The following NCAM1 variants were observed in gnomAD, a reference collection of about 807,000 sequenced individuals.
NCAM1 encodes the protein neural cell adhesion molecule 1.
A neutral mutation model predicts 109.8 loss-of-function variants in NCAM1; 14 were observed. The ratio of observed to expected loss-of-function variants is 0.13; its 90% CI spans 0.08 to 0.20. The LOEUF (loss-of-function observed/expected upper bound fraction) is 0.20. Ranked by LOEUF, NCAM1 falls within the 10% of genes least tolerant of loss-of-function variation. NCAM1 has a pLI of 1.00. For missense variants in NCAM1, 774 were observed against 1,109.9 expected (o/e 0.70, Z 4.30); for synonymous variants, 418 against 442.9 (o/e 0.94, Z 0.70).
chr11:112,987,784 G>C (rs186026880), intron 1 of NCAM1, among the ~76,000 whole-genome samples: 2 of 151,972 alleles, frequency 1.3e-5, no homozygotes, highest in African/African-American at 4.8e-5. Context: ...TGTCCTTAAA[G>C]CTTCTGAAGT....
At chr11:113,152,394 T>G (rs1460832917) in intron 1 of NCAM1, among the ~76,000 whole-genome samples, 4 of 152,256 alleles carry the variant, frequency 2.6e-5, no homozygotes, top group African/African-American at 4.8e-5. Flanking sequence ...CACAATCCCC[T>G]TGGCAACTTC....
intron 1 of NCAM1, among the ~76,000 whole-genome samples, chr11:113,149,210 A>G (rs1942132495): frequency 6.6e-6 from 1 of 152,220 alleles, no homozygotes; most frequent in African/African-American, 2.4e-5. Flanking sequence ...GCCTTCCTCC[A>G]AGACAAGGGT....
intron 1 of NCAM1, among the ~76,000 whole-genome samples, chr11:113,094,638 G>T (rs1020299679): frequency 1.3e-5 from 2 of 152,116 alleles, no homozygotes; most frequent in Non-Finnish European, 2.9e-5. Context: ...CTTGTAATTC[G>T]CTGCTGTGGC....
chr11:113,225,446 C>T (rs148414654), intron 9 of NCAM1, among the ~76,000 whole-genome samples: 2,012 of 152,298 alleles, frequency 0.013, 32 homozygotes, highest in African/African-American at 0.039. Context: ...AAGACCAAAT[C>T]TACATCTGAT....
Position 113,255,930 on chromosome 11 carries a change from A to G in NCAM1, c.1882A>G (p.Ile628Val), listed in dbSNP as rs782461625. The change falls in exon 16 of 20, where the codon ATT becomes GTT. Residue 628 changes from isoleucine to valine, a missense_variant. Transcript: ENST00000316851. ...EGQMGEDGNS[I>V]KVNLIKQDDG... ...GCAGATGGGAGAGGATGGAAACTCT[A>G]TTAAAGTGAACCTGATCAAGCAGGA... The G allele has an allele frequency of 9.9e-6, 16 of 1,611,186 alleles. No homozygotes were observed. Among genetic ancestry groups the G allele is most frequent in the Middle Eastern group, 3.3e-4 (2 of 6,082 alleles).
chr11:113,133,068 AG>A (rs1555098693), intron 1 of NCAM1: 10 of 152,178 alleles, frequency 6.6e-5, no homozygotes. Context: ...TGCATTGTTG[AG>A]GGAGGAATTA....
chr11:112,985,423 G>A (rs1322859519), intron 1 of NCAM1, among the ~76,000 whole-genome samples: 1 of 151,580 alleles, frequency 6.6e-6, no homozygotes, highest in Non-Finnish European at 1.5e-5. Context: ...TCTTATTTTT[G>A]TAGAAAATGT....
At chr11:112,986,706 G>A (rs782054331) in intron 1 of NCAM1, among the ~76,000 whole-genome samples, 15 of 151,812 alleles carry the variant, frequency 9.9e-5, no homozygotes, top group South Asian at 2.1e-4. Context: ...CTTCACAGTA[G>A]TCTCTTATGA....
chr11:113,060,372 T>G (rs1462003328), intron 1 of NCAM1, among the ~76,000 whole-genome samples: 1 of 152,218 alleles, frequency 6.6e-6, no homozygotes, highest in Non-Finnish European at 1.5e-5. Flanking sequence ...GTAGCCATCT[T>G]CACTTAAAAG....
chr11:113,051,489 TAAAC>T (rs1198555662), intron 1 of NCAM1, among the ~76,000 whole-genome samples: 93 of 151,830 alleles, frequency 6.1e-4, no homozygotes, highest in African/African-American at 2.1e-3. Flanking sequence ...CAAACACAGA[TAAAC>T]AAAATAGGAA....
chr11:113,201,349 C>A (rs1430359423), intron 1 of NCAM1, among the ~76,000 whole-genome samples: 2 of 152,186 alleles, frequency 1.3e-5, no homozygotes, highest in African/African-American at 4.8e-5. Flanking sequence ...GAAGGAAGGG[C>A]TCACTGAATC....
intron 1 of NCAM1, among the ~76,000 whole-genome samples, chr11:113,104,017 C>G (rs973590288): frequency 6.6e-6 from 1 of 152,028 alleles, no homozygotes; most frequent in African/African-American, 2.4e-5. Flanking sequence ...CTGGGAAACC[C>G]TGGGTTGGAT....
rs1182393351 is a variant in NCAM1, at chr11:112,962,912, G to A, written c.52+1248G>A. The stretch of plus-strand genomic sequence containing the variant: ...AGCGATCGAGGAAAGCCGGGCGGAG[G>A]GGCTGTGTGTCGCGGTCGCAGCTCC... On this transcript the variant is annotated intron_variant, in intron 1 of 19. Coordinates refer to ENST00000316851, the MANE Select transcript of NCAM1 (RefSeq NM_181351.5). This position sits in a 1 kb window ranked among gnomAD's most constrained non-coding sequence, Gnocchi z 5.6. Among the ~76,000 whole-genome samples, 3 of 152,056 alleles carry A rather than the reference G, an allele frequency of 2.0e-5. No homozygotes were observed. The highest frequency in any genetic ancestry group is 7.2e-5 in the African/African-American group (3 of 41,412).
chr11:113,261,145 T>G (rs1555123265), intron 17 of NCAM1, among the ~76,000 whole-genome samples: 1 of 151,702 alleles, frequency 6.6e-6, no homozygotes, highest in East Asian at 2.0e-4. Context: ...GGGGGCCCCA[T>G]AGACCCTGCC....
intron 1 of NCAM1, among the ~76,000 whole-genome samples, chr11:113,125,309 T>A (rs1404947131): frequency 6.6e-6 from 1 of 152,198 alleles, no homozygotes; most frequent in Non-Finnish European, 1.5e-5. Context: ...GTTTCCTCTG[T>A]AATGATTGCA....
At chr11:113,076,529 A>T (rs1938532227) in intron 1 of NCAM1, among the ~76,000 whole-genome samples, 1 of 152,204 alleles carries the variant, frequency 6.6e-6, no homozygotes, top group African/African-American at 2.4e-5. Flanking sequence ...CTAGACACTA[A>T]AAAACATGGT....
intron 7 of NCAM1, among the ~76,000 whole-genome samples, chr11:113,208,694 T>C (rs1231732145): frequency 2.0e-5 from 3 of 152,130 alleles, no homozygotes; most frequent in African/African-American, 7.2e-5. Flanking sequence ...TCTTACTGTA[T>C]CTTCTTTGCT....
At chr11:113,084,848 G>T (rs1939006338) in intron 1 of NCAM1, among the ~76,000 whole-genome samples, 1 of 152,198 alleles carries the variant, frequency 6.6e-6, no homozygotes, top group Non-Finnish European at 1.5e-5. Context: ...TAACTACCCA[G>T]TAGTGTCCTT....
chr11:112,992,537 T>A (rs1311295319), intron 1 of NCAM1, among the ~76,000 whole-genome samples: 1 of 150,666 alleles, frequency 6.6e-6, no homozygotes, highest in African/African-American at 2.4e-5. Flanking sequence ...AGTCTCACTC[T>A]GTTGCCCAGG....
Sources: gnomAD v4.1 joint callset for allele counts (sites outside exome capture counted in the v4.1 genomes callset) on GRCh38, gnomAD v4.1.1 for gene constraint, Gnocchi (gnomAD v3.1) non-coding constraint, MANE v1.5 for transcripts, NCBI Gene and HGNC (gene_info 2026-07-23, HGNC 2026-07-21) for gene names.